Variants in NTM observed in about 807,000 individuals in gnomAD.
NTM encodes IgLON family member 2.
NTM carries 13 observed loss-of-function variants against 42.1 expected under a neutral mutation model. That is an observed-to-expected ratio of 0.31 (90% CI 0.20 to 0.49). The LOEUF is 0.49. Among genes scored for constraint, NTM ranks in the 20% least tolerant of loss-of-function variants. The pLI, the probability that NTM is intolerant of heterozygous loss-of-function variation, is 0.99. For synonymous variants in NTM, 187 were observed against 179.2 expected, an observed-to-expected ratio of 1.04 and a Z score of -0.35; for missense variants, 373 against 452.8, an observed-to-expected ratio of 0.82 and a Z score of 1.60.
At chr11:131,483,869 T>C (rs1489139965) in intron 1 of NTM, among the ~76,000 whole-genome samples, 1 of 152,270 alleles carries the variant, frequency 6.6e-6, no homozygotes, top group African/African-American at 2.4e-5. Flanking sequence ...GGAAGACTTC[T>C]GCCTGGCGCT....
intron 1 of NTM, among the ~76,000 whole-genome samples, chr11:131,668,423 G>A (rs775185054): frequency 6.4e-4 from 98 of 152,138 alleles, no homozygotes; most frequent in Middle Eastern, 3.4e-3. Flanking sequence ...TATGTTACAA[G>A]TCCCTAAGTG....
intron 1 of NTM, among the ~76,000 whole-genome samples, chr11:131,725,939 T>C (rs2078915383): frequency 6.6e-6 from 1 of 152,144 alleles, no homozygotes; most frequent in African/African-American, 2.4e-5. Flanking sequence ...CCTGGGAATG[T>C]GCGTTACTAA....
At chr11:131,666,889 T>A (rs144091058) in intron 1 of NTM, among the ~76,000 whole-genome samples, 4 of 152,302 alleles carry the variant, frequency 2.6e-5, no homozygotes, top group African/African-American at 9.6e-5. Context: ...GAGCTATTGA[T>A]CTGTGGCTGG....
chr11:131,928,766 G>A (rs549350733), intron 2 of NTM, among the ~76,000 whole-genome samples: 44 of 151,976 alleles, frequency 2.9e-4, no homozygotes, highest in African/African-American at 9.2e-4. Flanking sequence ...GTGGTCTCCC[G>A]TCTGTGTTTT....
intron 1 of NTM, among the ~76,000 whole-genome samples, chr11:131,728,755 G>C (rs1565475256): frequency 6.6e-6 from 1 of 152,104 alleles, no homozygotes; most frequent in African/African-American, 2.4e-5. Flanking sequence ...GAGCCCCTCT[G>C]TCCTTCCCAG....
At chr11:131,479,345 A>C (rs1473470300) in intron 1 of NTM, among the ~76,000 whole-genome samples, 1 of 152,230 alleles carries the variant, frequency 6.6e-6, no homozygotes, top group Non-Finnish European at 1.5e-5. Flanking sequence ...AACCACATGT[A>C]TAAAATTTGA....
chr11:131,711,836 A>G (rs1166956320), intron 1 of NTM, among the ~76,000 whole-genome samples: 1 of 151,994 alleles, frequency 6.6e-6, no homozygotes, highest in Non-Finnish European at 1.5e-5. Context: ...TTGTAGGGAC[A>G]TGGATGAAAT....
chr11:132,314,484 C>CCTAT lies in NTM; in HGVS notation c.783-65_783-62dup, dbSNP rs141881111. ...AAGGAGAAGACCAGGAATCCCTGGG[C>CCTAT]CTATCTTCTTCCTATGAGGACACAT... On this transcript the variant is annotated intron_variant, in intron 6 of 8. Transcript: ENST00000683400. 2,583 of 1,512,716 alleles carry CCTAT rather than the reference C, an allele frequency of 1.7e-3. 26 individuals carry two copies. In the African/African-American group the frequency reaches 0.03, roughly 18 times the overall value. The allele number at this position is 1,512,716 out of a possible 1,614,324, so 93.7% of individuals were successfully genotyped here. A position where few individuals can be genotyped will look rare whatever the true frequency, so the allele number is the denominator to read the frequency against.
chr11:131,769,953 G>A (rs1242889402), intron 1 of NTM, among the ~76,000 whole-genome samples: 2 of 152,140 alleles, frequency 1.3e-5, no homozygotes, highest in African/African-American at 4.8e-5. Context: ...CCTTTTGCCT[G>A]AGCCCTGGAC....
intron 1 of NTM, among the ~76,000 whole-genome samples, chr11:131,906,216 C>T (rs972558928): frequency 6.6e-6 from 1 of 152,060 alleles, no homozygotes; most frequent in Non-Finnish European, 1.5e-5. Flanking sequence ...TGATTCTGGG[C>T]AATCATGGTA....
chr11:132,064,190 A>G (rs775525957), intron 2 of NTM, among the ~76,000 whole-genome samples: 1 of 152,198 alleles, frequency 6.6e-6, no homozygotes, highest in Non-Finnish European at 1.5e-5. Flanking sequence ...TCTCTTTAAG[A>G]ATCTGATAAA....
At chr11:132,219,853 G>A (rs1358098439) in intron 4 of NTM, among the ~76,000 whole-genome samples, 1 of 152,166 alleles carries the variant, frequency 6.6e-6, no homozygotes, top group African/African-American at 2.4e-5. Flanking sequence ...AAGAACGGAA[G>A]GGAAGGAAAC....
At chr11:131,724,024 C>T (rs950046417) in intron 1 of NTM, among the ~76,000 whole-genome samples, 48 of 152,308 alleles carry the variant, frequency 3.2e-4, no homozygotes, top group African/African-American at 1.0e-3. Context: ...CCTTTTCAGG[C>T]AGTGCATCTT....
chr11:131,454,806 G>T (rs566227270), intron 1 of NTM, among the ~76,000 whole-genome samples: 1 of 149,558 alleles, frequency 6.7e-6, no homozygotes, highest in South Asian at 2.1e-4. Flanking sequence ...TTGATATTAC[G>T]CTGGGGCCAC....
At chr11:131,545,301 C>CT (rs1565623118) in intron 1 of NTM, among the ~76,000 whole-genome samples, 4 of 151,984 alleles carry the variant, frequency 2.6e-5, no homozygotes, top group South Asian at 2.1e-4. Flanking sequence ...TTTTCTTTTT[C>CT]TTTTTTCTTG....
Position 131,912,359 on chromosome 11 carries a change from TCA to T in NTM, c.167+712_167+713del, listed in dbSNP as rs200524050. Among the ~76,000 whole-genome samples, 1,212 of 152,302 alleles carry T rather than the reference TCA, an allele frequency of 8.0e-3. 24 individuals are homozygous for T. The highest frequency in any genetic ancestry group is 0.027 in the African/African-American group (1,113 of 41,562). On this transcript the variant is annotated intron_variant, in intron 2 of 8. Coordinates refer to ENST00000683400, the MANE Select transcript of NTM (RefSeq NM_001352005.2). ...TCGTCTACTGAAGAGAAACTAGGTT[TCA>T]GTGTTGGGTTGGGTCCTGATTGGCT...
intron 1 of NTM, chr11:131,796,179 G>A: frequency 1.0e-6 from 1 of 985,212 alleles, no homozygotes; most frequent in Non-Finnish European, 1.2e-6. Flanking sequence ...TGCAGCTGGG[G>A]AAACAAAGGA....
intron 7 of NTM, among the ~76,000 whole-genome samples, chr11:132,322,952 G>A (rs1399227302): frequency 7.1e-6 from 1 of 141,504 alleles, no homozygotes; most frequent in Admixed American, 7.0e-5. Flanking sequence ...CGAAATGAAG[G>A]CAGAAATAAA....
chr11:131,416,605 A>T (rs1362323808), intron 1 of NTM, among the ~76,000 whole-genome samples: 1 of 152,178 alleles, frequency 6.6e-6, no homozygotes, highest in Non-Finnish European at 1.5e-5. Context: ...GACTCAATAA[A>T]CAGATTCAGT....
Sources: allele counts gnomAD v4.1 joint callset (sites outside exome capture counted in the v4.1 genomes callset), GRCh38; gene constraint gnomAD v4.1.1; transcripts MANE v1.5; gene names NCBI Gene and HGNC (gene_info 2026-07-23, HGNC 2026-07-21).